Variants in ANKRD27 observed in about 807,000 individuals in gnomAD.
The protein encoded by ANKRD27 is ankyrin repeat domain 27.
In ANKRD27, 112 loss-of-function variants were observed where a neutral mutation model predicts 129.7. That is an observed-to-expected ratio of 0.86 (90% CI 0.74 to 1.01). The LOEUF is 1.01. ANKRD27 is among the 50% of genes least tolerant of loss of function. The pLI, the probability that ANKRD27 is intolerant of heterozygous loss-of-function variation, is 0.00. For missense variants in ANKRD27, 1,258 were observed against 1,300.5 expected, an observed-to-expected ratio of 0.97 and a Z score of 0.50; for synonymous variants, 516 against 511.2, an observed-to-expected ratio of 1.01 and a Z score of -0.13.
At chr19:32,619,701 G>A (rs1971979444) in intron 18 of ANKRD27, 148 bp from the exon 19 acceptor site, 3 of 943,878 alleles carry the variant, frequency 3.2e-6, no homozygotes, top group Admixed American at 4.1e-5. Flanking sequence ...TCGCACCCTT[G>A]GATAGACAGA....
rs182511888 is a variant in ANKRD27 at position 32,610,841 on chromosome 19, G to A, written c.2176-3009C>T. 1.7e-3 allele frequency among the ~76,000 whole-genome samples: 265 copies of A among 152,192 alleles called. 2 individuals carry two copies. The highest frequency in any genetic ancestry group is 0.015 in the Admixed American group (228 of 15,278). ...CATTAAACACCACTGGAGGCCTGGT[G>A]TGGTGGCTCATGCCTGTAATTCCAG... On this transcript the variant is annotated intron_variant, in intron 22 of 28. Transcript: ENST00000306065.
At chr19:32,652,993 C>G (rs1264906939) in intron 2 of ANKRD27, among the ~76,000 whole-genome samples, 2 of 152,122 alleles carry the variant, frequency 1.3e-5, no homozygotes, top group African/African-American at 2.4e-5. Flanking sequence ...GGCACCTACT[C>G]CAGGGCACTC....
chr19:32,668,174 T>C (rs1967796753), intron 1 of ANKRD27, among the ~76,000 whole-genome samples: 3 of 152,124 alleles, frequency 2.0e-5, no homozygotes, highest in African/African-American at 7.2e-5. Flanking sequence ...TATTTATGAG[T>C]TGGGGTCTCA....
intron 22 of ANKRD27, among the ~76,000 whole-genome samples, chr19:32,610,490 A>C (rs905373648): frequency 6.6e-6 from 1 of 151,180 alleles, no homozygotes; most frequent in South Asian, 2.1e-4. Context: ...CTCTAAAAAA[A>C]AAAAAAAAAA....
chr19:32,610,478 G>A (rs1297551862), intron 22 of ANKRD27, among the ~76,000 whole-genome samples: 13 of 102,772 alleles, frequency 1.3e-4, no homozygotes, highest in East Asian at 2.6e-4. Context: ...GACCAAGACC[G>A]TCTCTAAAAA....
At chr19:32,652,567 C>A (rs767463605) in intron 2 of ANKRD27, among the ~76,000 whole-genome samples, 8 of 152,022 alleles carry the variant, frequency 5.3e-5, no homozygotes, top group Non-Finnish European at 1.0e-4. Flanking sequence ...AAGAGCGAAA[C>A]TCCATCCCGG....
chr19:32,664,497 T>A (rs976182788), intron 1 of ANKRD27, among the ~76,000 whole-genome samples: 1 of 151,794 alleles, frequency 6.6e-6, no homozygotes, highest in Non-Finnish European at 1.5e-5. Flanking sequence ...CAGGTGACTG[T>A]AATTCCAGCT....
intron 1 of ANKRD27, among the ~76,000 whole-genome samples, chr19:32,672,524 A>C (rs1025304213): frequency 2.0e-5 from 3 of 152,196 alleles, no homozygotes; most frequent in African/African-American, 4.8e-5. Context: ...CTGGAACTCC[A>C]CTGTCCATAT....
At chr19:32,654,074 G>A (rs1439520826) in intron 2 of ANKRD27, among the ~76,000 whole-genome samples, 1 of 152,110 alleles carries the variant, frequency 6.6e-6, no homozygotes, top group East Asian at 1.9e-4. Flanking sequence ...CTAATTTTTT[G>A]TATTTTTAGT....
rs17754651 is a variant in ANKRD27, at chr19:32,598,082, G to A, written c.*63C>T. 6.8e-3 allele frequency: 9,935 copies of A among 1,467,528 alleles called. 143 individuals carry two copies. Among genetic ancestry groups the A allele is most frequent in the Non-Finnish European group, 5.4e-3 (5,672 of 1,049,126 alleles). The allele number at this position is 1,467,528 out of a possible 1,614,324, so 90.9% of individuals were successfully genotyped here. On this transcript the variant is annotated 3_prime_UTR_variant, in exon 29 of 29. Coordinates refer to ENST00000306065, the MANE Select transcript of ANKRD27 (RefSeq NM_032139.3). ...ACATTTAGTTCTCAGATGTGTTCAC[G>A]CTCAGCATCATCTTGTTGCATCCTT...
At chr19:32,656,103 G>GAAAAGAAAAGAAAAGAAAAGA (rs1555747135) in intron 2 of ANKRD27, among the ~76,000 whole-genome samples, 51 of 123,720 alleles carry the variant, frequency 4.1e-4, no homozygotes, top group African/African-American at 1.5e-3. Context: ...AAGAAAGAAA[G>GAAAAGAAAAGAAAAGAAAAGA]AAAGAAAAGA....
At chr19:32,658,147 C>T (rs1355815726) in intron 2 of ANKRD27, among the ~76,000 whole-genome samples, 1 of 152,074 alleles carries the variant, frequency 6.6e-6, no homozygotes, top group Non-Finnish European at 1.5e-5. Context: ...AAGTGGACAT[C>T]CATTTGAGAG....
At chr19:32,606,026 A>AAAAT (rs10645270) in intron 23 of ANKRD27, 72 bp from the exon 24 acceptor site, 109,479 of 1,248,954 alleles carry the variant, frequency 0.088, 7,962 homozygotes, top group African/African-American at 0.28. Context: ...AAAATTATGA[A>AAAAT]AAATAAATAA....
At chr19:32,616,420 G>A (rs1971920234) in intron 21 of ANKRD27, among the ~76,000 whole-genome samples, 1 of 152,056 alleles carries the variant, frequency 6.6e-6, no homozygotes, top group Non-Finnish European at 1.5e-5. Flanking sequence ...GGGTGTGGTG[G>A]CGCATGCCTG....
chr19:32,647,882 G>A (rs1234045254), intron 3 of ANKRD27, among the ~76,000 whole-genome samples: 1 of 152,244 alleles, frequency 6.6e-6, no homozygotes, highest in Non-Finnish European at 1.5e-5. Flanking sequence ...CTCTTAGATA[G>A]GGAGAGCTTT....
chr19:32,642,156 A>G lies in ANKRD27; in HGVS notation c.783-11T>C. 2 of 1,576,090 alleles carry G rather than the reference A, an allele frequency of 1.3e-6. No homozygotes were observed. The highest frequency in any genetic ancestry group is 1.7e-6 in the Non-Finnish European group (2 of 1,156,030). On this transcript the variant is annotated splice_polypyrimidine_tract_variant and intron_variant, in intron 9 of 28. Transcript: ENST00000306065. ...CGAGGTATGTTAAAGCTGTAAAATA[A>G]TTTGGAAAGTGACAACTTCAGAGCA...
chr19:32,656,472 T>A (rs1568418056), intron 2 of ANKRD27, among the ~76,000 whole-genome samples: 1 of 152,104 alleles, frequency 6.6e-6, no homozygotes, highest in Non-Finnish European at 1.5e-5. Context: ...GCACTAGAAT[T>A]TAAGCTCCAT....
At chr19:32,659,180 C>G in intron 1 of ANKRD27, 135 bp from the exon 2 acceptor site, 1 of 565,420 alleles carries the variant, frequency 1.8e-6, no homozygotes, top group Non-Finnish European at 3.1e-6. Context: ...ACTCTGTCGC[C>G]CAGGCTGGAG....
chr19:32,615,098 G>A (rs367716731), intron 22 of ANKRD27, among the ~76,000 whole-genome samples: 32 of 152,258 alleles, frequency 2.1e-4, no homozygotes, highest in East Asian at 1.2e-3. Context: ...CTCCTGCCAC[G>A]GGACTCAGGG....
Sources: allele counts gnomAD v4.1 joint callset (sites outside exome capture counted in the v4.1 genomes callset), GRCh38; gene constraint gnomAD v4.1.1; transcripts MANE v1.5; gene names NCBI Gene and HGNC (gene_info 2026-07-23, HGNC 2026-07-21).